Variants in VPS45 observed in about 807,000 individuals in gnomAD.
VPS45 encodes vacuolar protein sorting-associated protein 45.
VPS45 carries 35 observed loss-of-function variants against 75.9 expected under a neutral mutation model. The ratio of observed to expected loss-of-function variants is 0.46; its 90% CI spans 0.35 to 0.61. VPS45 has a LOEUF of 0.61. Among genes scored for constraint, VPS45 ranks in the 20% least tolerant of loss-of-function variants. The pLI, the probability that VPS45 is intolerant of heterozygous loss-of-function variation, is 0.00. For missense variants in VPS45, 559 were observed against 685.9 expected (o/e 0.81, Z 2.07); for synonymous variants, 220 against 238.2 (o/e 0.92, Z 0.70).
intron 7 of VPS45, among the ~76,000 whole-genome samples, chr1:150,079,092 C>T (rs587738325): frequency 5.5e-4 from 68 of 124,680 alleles, no homozygotes; most frequent in African/African-American, 1.8e-3. Context: ...GCCTGGGCAA[C>T]GAGAGCGAAA....
At chr1:150,070,908 TTGTC>T (rs139863212) in intron 2 of VPS45, among the ~76,000 whole-genome samples, 3,261 of 152,068 alleles carry the variant, frequency 0.021, 97 homozygotes, top group African/African-American at 0.074. Context: ...TTTTTCCACA[TTGTC>T]TGAACTTTTA....
At chr1:150,138,105 C>T (rs147774048) in intron 14 of VPS45, among the ~76,000 whole-genome samples, 73 of 152,200 alleles carry the variant, frequency 4.8e-4, no homozygotes, top group Non-Finnish European at 8.7e-4. Flanking sequence ...CTTAAATCCA[C>T]ATATTCTCCT....
At chr1:150,101,560 C>T (rs1234920161) in intron 13 of VPS45, among the ~76,000 whole-genome samples, 4 of 151,650 alleles carry the variant, frequency 2.6e-5, no homozygotes, top group African/African-American at 9.7e-5. Flanking sequence ...ATGGTGAAAC[C>T]CCTTCTCTAC....
At chr1:150,142,116 G>A (rs1553815410) in intron 14 of VPS45, among the ~76,000 whole-genome samples, 1 of 151,972 alleles carries the variant, frequency 6.6e-6, no homozygotes, top group East Asian at 1.9e-4. Context: ...GTGGCCCTAG[G>A]AAACAAAATT....
At chr1:150,139,579 A>C (rs1452777263) in intron 14 of VPS45, among the ~76,000 whole-genome samples, 1 of 151,824 alleles carries the variant, frequency 6.6e-6, no homozygotes, top group Non-Finnish European at 1.5e-5. Flanking sequence ...ACAGAGTCTC[A>C]CTCTGTCACC....
At chr1:150,118,283 CAAAA>C (rs1255302690) in intron 14 of VPS45, among the ~76,000 whole-genome samples, 3 of 71,698 alleles carry the variant, frequency 4.2e-5, no homozygotes, top group Admixed American at 1.6e-4. Flanking sequence ...GACCCTGTCT[CAAAA>C]AAAAAAAAAA....
chr1:150,090,735 A>G (rs1487007522), intron 10 of VPS45, among the ~76,000 whole-genome samples: 1 of 152,206 alleles, frequency 6.6e-6, no homozygotes, highest in Admixed American at 6.5e-5. Context: ...CACTTCTCAT[A>G]AAGACTACTT....
rs1183392898 is a variant in VPS45, at chr1:150,077,950, T to A, written c.687+171T>A. On this transcript the variant is annotated intron_variant, in intron 7 of 14. Coordinates refer to ENST00000644510, the MANE Select transcript of VPS45 (RefSeq NM_007259.5). ...GGTATCATGATTCTTCCATCCACTG[T>A]CATCATAACTCTTCTGCTTCATCTC... is the stretch of plus-strand genomic sequence containing the variant. 2.0e-5 allele frequency among the ~76,000 whole-genome samples: 3 copies of A among 152,188 alleles called. No homozygotes were observed. In the East Asian group the frequency reaches 5.8e-4, roughly 29 times the overall value.
chr1:150,137,730 C>G (rs377111789), intron 14 of VPS45, among the ~76,000 whole-genome samples: 2 of 152,104 alleles, frequency 1.3e-5, no homozygotes, highest in African/African-American at 2.4e-5. Flanking sequence ...GCCTGGGCAA[C>G]ACAGTGAAAC....
intron 14 of VPS45, among the ~76,000 whole-genome samples, chr1:150,112,207 T>G (rs1164899152): frequency 6.6e-6 from 1 of 152,080 alleles, no homozygotes; most frequent in African/African-American, 2.4e-5. Flanking sequence ...TATTGGCCAT[T>G]TGTCTAGTAT....
intron 14 of VPS45, among the ~76,000 whole-genome samples, chr1:150,126,738 GGAGGATCATTT>G (rs1475460944): frequency 1.3e-5 from 2 of 152,020 alleles, no homozygotes; most frequent in Admixed American, 6.6e-5. Context: ...GGCTCAATTG[GGAGGATCATTT>G]GAGGCCAGGG....
intron 7 of VPS45, 136 bp from the exon 8 acceptor site, chr1:150,081,206 G>A: frequency 1.2e-6 from 1 of 841,962 alleles, no homozygotes. Flanking sequence ...CACAAAGTAT[G>A]AATAAAATTT....
chr1:150,068,888 TCAGTGTTATAAC>T, intron 2 of VPS45, 124 bp downstream of exon 2: 1 of 1,088,586 alleles, frequency 9.2e-7, no homozygotes, highest in South Asian at 1.9e-5. Flanking sequence ...TCCTGGTTCA[TCAGTGTTATAAC>T]CTTCATTTTT....
At chr1:150,074,192 T>TG in intron 3 of VPS45, among the ~76,000 whole-genome samples, 1 of 151,826 alleles carries the variant, frequency 6.6e-6, no homozygotes, top group East Asian at 1.9e-4. Flanking sequence ...TTTTTGTATT[T>TG]TTTTTTAGTA....
At chr1:150,104,314 T>C (rs1553805282) in intron 13 of VPS45, among the ~76,000 whole-genome samples, 2 of 152,222 alleles carry the variant, frequency 1.3e-5, no homozygotes, top group African/African-American at 4.8e-5. Context: ...GGCCTCTTGC[T>C]CCATCCATGT....
intron 13 of VPS45, among the ~76,000 whole-genome samples, chr1:150,103,452 C>T (rs1356482528): frequency 2.0e-5 from 3 of 152,142 alleles, no homozygotes; most frequent in Non-Finnish European, 2.9e-5. Flanking sequence ...GTTTTCATAA[C>T]CAAATGTGAC....
intron 14 of VPS45, among the ~76,000 whole-genome samples, chr1:150,129,764 G>A (rs1202147744): frequency 6.6e-6 from 1 of 151,658 alleles, no homozygotes; most frequent in Non-Finnish European, 1.5e-5. Context: ...TGTTGGCCAG[G>A]CTGGTCTCAA....
At chr1:150,099,185 A>G (rs1656828890) in intron 13 of VPS45, 1 of 490,510 alleles carries the variant, frequency 2.0e-6, no homozygotes, top group South Asian at 7.2e-5. Context: ...ACTTAACCAC[A>G]TATAGAAATA....
At chr1:150,120,458 A>G (rs1364148396) in intron 14 of VPS45, among the ~76,000 whole-genome samples, 2 of 152,236 alleles carry the variant, frequency 1.3e-5, no homozygotes, top group Non-Finnish European at 2.9e-5. Flanking sequence ...TTTTTAGTGT[A>G]AGAACAGAGC....
Sources: allele counts gnomAD v4.1 joint callset (sites outside exome capture counted in the v4.1 genomes callset), GRCh38; gene constraint gnomAD v4.1.1; transcripts MANE v1.5; gene names NCBI Gene and HGNC (gene_info 2026-07-23, HGNC 2026-07-21).